Variants in KAZN observed in about 807,000 individuals in gnomAD.
KAZN encodes the protein kazrin.
A neutral mutation model predicts 87.4 loss-of-function variants in KAZN; 40 were observed. That is an observed-to-expected ratio of 0.46 (90% CI 0.36 to 0.60). The LOEUF is 0.60. Ranked by LOEUF, KAZN falls within the 20% of genes least tolerant of loss-of-function variation. The probability of loss-of-function intolerance (pLI) is 0.00; values close to 1 mark genes in which losing one functional copy is unlikely to be tolerated. For missense variants in KAZN, 898 were observed against 1,073.9 expected (o/e 0.84, Z 2.29); for synonymous variants, 466 against 458.3 (o/e 1.02, Z -0.22).
intron 2 of KAZN, among the ~76,000 whole-genome samples, chr1:14,529,899 A>T (rs1447203097): frequency 6.6e-6 from 1 of 152,228 alleles, no homozygotes; most frequent in East Asian, 1.9e-4. Flanking sequence ...TTATGGAGCC[A>T]CATGCTTTTA....
chr1:14,096,675 G>A (rs1644136001), intron 1 of KAZN, among the ~76,000 whole-genome samples: 1 of 152,210 alleles, frequency 6.6e-6, no homozygotes, highest in Non-Finnish European at 1.5e-5. Flanking sequence ...GGGCACTTGA[G>A]TTCCAGTTTA....
chr1:14,847,025 T>C (rs915533964), intron 1 of KAZN, among the ~76,000 whole-genome samples: 5 of 152,196 alleles, frequency 3.3e-5, no homozygotes, highest in African/African-American at 1.2e-4. Flanking sequence ...AGAAGTAGGC[T>C]CAGGGAATGT....
chr1:13,992,685 G>A (rs530861897), intron 1 of KAZN, among the ~76,000 whole-genome samples: 3 of 152,116 alleles, frequency 2.0e-5, no homozygotes, highest in Non-Finnish European at 1.5e-5. Context: ...TCAGCTCTCT[G>A]GGAAGGTAAA....
At chr1:14,339,413 C>T (rs570976212) in intron 2 of KAZN, among the ~76,000 whole-genome samples, 3 of 152,046 alleles carry the variant, frequency 2.0e-5, no homozygotes, top group Non-Finnish European at 4.4e-5. Flanking sequence ...TCAGAGTTCT[C>T]CAGAGAAACA....
At chr1:14,191,984 C>T (rs1646429786) in intron 2 of KAZN, among the ~76,000 whole-genome samples, 1 of 152,148 alleles carries the variant, frequency 6.6e-6, no homozygotes, top group South Asian at 2.1e-4. Context: ...CATCTTACTC[C>T]TAGGTGCAGA....
At chr1:15,053,376 C>T (rs1674621063) in intron 4 of KAZN, among the ~76,000 whole-genome samples, 2 of 152,188 alleles carry the variant, frequency 1.3e-5, no homozygotes, top group Non-Finnish European at 2.9e-5. Context: ...CTTCCTTAAA[C>T]AAAAAAGTTA....
intron 2 of KAZN, among the ~76,000 whole-genome samples, chr1:14,305,994 A>G (rs1355350450): frequency 1.3e-5 from 2 of 152,106 alleles, no homozygotes; most frequent in Non-Finnish European, 1.5e-5. Context: ...TTCCCTCTGG[A>G]AAGCACTCTC....
intron 1 of KAZN, among the ~76,000 whole-genome samples, chr1:14,166,072 C>T (rs7548610): frequency 0.64 from 98,060 of 152,174 alleles, 33,241 homozygotes; most frequent in African/African-American, 0.86. Context: ...CCCAGCACTT[C>T]GGGAGGCAGA....
intron 1 of KAZN, among the ~76,000 whole-genome samples, chr1:14,114,999 G>A (rs1477975755): frequency 6.6e-6 from 1 of 152,212 alleles, no homozygotes; most frequent in African/African-American, 2.4e-5. Flanking sequence ...CTTAGCCACT[G>A]CTCCTGTGCT....
intron 1 of KAZN, among the ~76,000 whole-genome samples, chr1:13,915,440 G>A (rs1570266779): frequency 1.3e-5 from 2 of 152,244 alleles, no homozygotes; most frequent in African/African-American, 4.8e-5. Context: ...TTTTATGGAG[G>A]ACCCGCAATA....
Position 14,674,020 on chromosome 1 carries a change from C to T in KAZN, c.226+74797C>T, listed in dbSNP as rs531070139. The stretch of plus-strand genomic sequence containing the variant: ...GGTTATTTGTAAGCACGTTGAAATT[C>T]AAGAACCCGTAGATCTAATCCAAAC... On this transcript the variant is annotated intron_variant, in intron 1 of 14. Transcript: ENST00000376030. 3.9e-5 allele frequency among the ~76,000 whole-genome samples: 6 copies of T among 152,276 alleles called. No homozygotes were observed. In the South Asian group the frequency reaches 1.2e-3, roughly 32 times the overall value.
intron 1 of KAZN, among the ~76,000 whole-genome samples, chr1:14,121,108 A>T (rs1644742154): frequency 6.6e-6 from 1 of 152,172 alleles, no homozygotes. Context: ...GGAGAACCCC[A>T]TGAGTCAAGC....
intron 1 of KAZN, among the ~76,000 whole-genome samples, chr1:14,943,842 C>T (rs565731152): frequency 4.6e-5 from 7 of 152,014 alleles, no homozygotes; most frequent in African/African-American, 9.7e-5. Context: ...GAGGCTGAGG[C>T]GGGCGGATCA....
chr1:15,109,843 G>C (rs1045059648), intron 13 of KAZN, among the ~76,000 whole-genome samples: 1 of 151,448 alleles, frequency 6.6e-6, no homozygotes, highest in Admixed American at 6.6e-5. Flanking sequence ...TGGTGTTTGT[G>C]TATGTTTATG....
chr1:13,893,798 G>A (rs1418565161), intron 1 of KAZN: 3 of 1,547,460 alleles, frequency 1.9e-6, no homozygotes, highest in South Asian at 1.2e-5. Context: ...AGAATGGGAA[G>A]TGGAGCGTTA....
chr1:14,088,061 G>A (rs1643894110), intron 1 of KAZN, among the ~76,000 whole-genome samples: 1 of 150,384 alleles, frequency 6.6e-6, no homozygotes, highest in Admixed American at 6.6e-5. Flanking sequence ...AAATTCACCA[G>A]TGATCACCTA....
intron 1 of KAZN, among the ~76,000 whole-genome samples, chr1:14,134,104 A>G (rs186563203): frequency 6.6e-6 from 1 of 152,226 alleles, no homozygotes; most frequent in Non-Finnish European, 1.5e-5. Flanking sequence ...TGGATACTAC[A>G]TCTCTCCACT....
At chr1:14,372,749 G>A (rs1660596163) in intron 2 of KAZN, among the ~76,000 whole-genome samples, 1 of 152,150 alleles carries the variant, frequency 6.6e-6, no homozygotes, top group African/African-American at 2.4e-5. Context: ...ATTACAAGTG[G>A]CAAAGAAACT....
intron 2 of KAZN, among the ~76,000 whole-genome samples, chr1:14,225,431 A>G (rs1647228153): frequency 6.6e-6 from 1 of 152,180 alleles, no homozygotes; most frequent in Non-Finnish European, 1.5e-5. Context: ...GAAAGAATCA[A>G]TATCATGAAA....
Sources: gnomAD v4.1 joint callset for allele counts (sites outside exome capture counted in the v4.1 genomes callset) on GRCh38, gnomAD v4.1.1 for gene constraint, MANE v1.5 for transcripts, NCBI Gene and HGNC (gene_info 2026-07-23, HGNC 2026-07-21) for gene names.